Variants in PPARG observed in about 807,000 individuals in gnomAD.
PPARG encodes the protein peroxisome proliferator activated receptor gamma.
PPARG carries 17 observed loss-of-function variants against 39.2 expected under a neutral mutation model. That is an observed-to-expected ratio of 0.43 (90% confidence interval 0.30 to 0.65). The LOEUF is 0.65. Ranked by LOEUF, PPARG falls within the 30% of genes least tolerant of loss-of-function variation. The pLI is 0.13. For missense variants in PPARG, 406 were observed against 585.9 expected (o/e 0.69, Z 3.17); for synonymous variants, 223 against 215.7 (o/e 1.03, Z -0.30).
At chr3:12,304,277 G>C (rs2047002212) in intron 1 of PPARG, among the ~76,000 whole-genome samples, 1 of 152,154 alleles carries the variant, frequency 6.6e-6, no homozygotes, top group African/African-American at 2.4e-5. Context: ...GGATGTCTTT[G>C]GGATGCCATT....
chr3:12,294,763 C>G (rs1340543316), intron 1 of PPARG, among the ~76,000 whole-genome samples: 1 of 152,044 alleles, frequency 6.6e-6, no homozygotes, highest in Non-Finnish European at 1.5e-5. Context: ...CATGGTGGCA[C>G]GTGCCTTTAA....
intron 6 of PPARG, among the ~76,000 whole-genome samples, chr3:12,407,908 A>G (rs2050730798): frequency 2.0e-5 from 3 of 152,320 alleles, no homozygotes; most frequent in East Asian, 3.9e-4. Flanking sequence ...AACCTTGCAC[A>G]TTTGTTAGGT....
chr3:12,345,762 G>T lies in PPARG; in HGVS notation c.-9+33309G>T, dbSNP rs570478763. Among the ~76,000 whole-genome samples the T allele has an allele frequency of 2.6e-5, 4 of 152,318 alleles. No homozygotes were observed. The East Asian group carries it at 7.7e-4, about 29-fold the overall frequency. ...GTCACAGAACTGGTAAGTGACACCA[G>T]CTGAAACTGAGTGCAGCTCCGCGGC... On this transcript the variant is annotated intron_variant, in intron 2 of 7. Transcript: ENST00000651735.
intron 1 of PPARG, among the ~76,000 whole-genome samples, chr3:12,307,351 T>A (rs1322087843): frequency 6.6e-6 from 1 of 152,098 alleles, no homozygotes; most frequent in Non-Finnish European, 1.5e-5. Flanking sequence ...TTTACTTGCA[T>A]AGGACAAAAA....
intron 2 of PPARG, among the ~76,000 whole-genome samples, chr3:12,329,134 G>A (rs1485054074): frequency 1.4e-5 from 2 of 139,036 alleles, no homozygotes; most frequent in African/African-American, 5.4e-5. Flanking sequence ...TGCAAATTAT[G>A]TTAAAAACAA....
intron 1 of PPARG, among the ~76,000 whole-genome samples, chr3:12,295,132 G>C (rs1363829302): frequency 6.6e-6 from 1 of 152,142 alleles, no homozygotes; most frequent in Non-Finnish European, 1.5e-5. Flanking sequence ...GCTAAAGTCT[G>C]TGAATCTAAA....
At chr3:12,403,056 G>C (rs935546316) in intron 5 of PPARG, among the ~76,000 whole-genome samples, 1 of 152,196 alleles carries the variant, frequency 6.6e-6, no homozygotes, top group South Asian at 2.1e-4. Context: ...TCTTTGGGAG[G>C]TGGAGGCAGG....
intron 7 of PPARG, among the ~76,000 whole-genome samples, chr3:12,423,314 C>A (rs567853670): frequency 8.5e-4 from 129 of 152,324 alleles, no homozygotes; most frequent in African/African-American, 2.9e-3. Flanking sequence ...AACAGAATAA[C>A]CCTGATGCAG....
At chr3:12,295,469 T>A (rs1205544952) in intron 1 of PPARG, among the ~76,000 whole-genome samples, 1 of 152,106 alleles carries the variant, frequency 6.6e-6, no homozygotes, top group East Asian at 1.9e-4. Context: ...TTAAAAGCAA[T>A]ATAATGTATT....
At chr3:12,406,154 G>C in intron 6 of PPARG, 73 bp downstream of exon 6, 1 of 1,367,306 alleles carries the variant, frequency 7.3e-7, no homozygotes, top group Non-Finnish European at 1.0e-6. Context: ...TTGAGTAAAT[G>C]GTTTACTGCG....
At chr3:12,312,328 C>T (rs1274693496) in intron 1 of PPARG, 52 bp from the exon 2 acceptor site, 1 of 152,180 alleles carries the variant, frequency 6.6e-6, no homozygotes, top group African/African-American at 2.4e-5. Context: ...CATGTGTACA[C>T]ATTCTGAACA....
intron 1 of PPARG, among the ~76,000 whole-genome samples, chr3:12,291,310 C>T (rs2046642401): frequency 6.6e-6 from 1 of 152,156 alleles, no homozygotes; most frequent in East Asian, 1.9e-4. Context: ...TACAAAGGTC[C>T]TTTGAAACGG....
chr3:12,296,433 G>A (rs1249747875), intron 1 of PPARG, among the ~76,000 whole-genome samples: 1 of 151,986 alleles, frequency 6.6e-6, no homozygotes, highest in African/African-American at 2.4e-5. Flanking sequence ...TGCTTTATAC[G>A]CTGTTTGGGA....
intron 2 of PPARG, among the ~76,000 whole-genome samples, chr3:12,328,850 G>A (rs1173060618): frequency 6.6e-6 from 1 of 152,232 alleles, no homozygotes; most frequent in Non-Finnish European, 1.5e-5. Context: ...GAACAGAATA[G>A]CAGTCCCTGG....
intron 6 of PPARG, among the ~76,000 whole-genome samples, chr3:12,414,629 C>T (rs768602439): frequency 5.3e-5 from 8 of 152,134 alleles, no homozygotes; most frequent in Admixed American, 1.3e-4. Context: ...TGGAAAAATA[C>T]AGTAAATTTT....
intron 5 of PPARG, among the ~76,000 whole-genome samples, chr3:12,405,452 G>T: frequency 6.6e-6 from 1 of 152,136 alleles, no homozygotes; most frequent in East Asian, 1.9e-4. Context: ...TTTGAATTCT[G>T]CACAGTTTCG....
At chr3:12,413,485 CTCT>C (rs1234275165) in intron 6 of PPARG, among the ~76,000 whole-genome samples, 2 of 152,088 alleles carry the variant, frequency 1.3e-5, no homozygotes, top group African/African-American at 4.8e-5. Flanking sequence ...GCTAGTTCAC[CTCT>C]TCTTCAGAAT....
intron 2 of PPARG, among the ~76,000 whole-genome samples, chr3:12,360,382 T>C (rs1025827670): frequency 2.6e-5 from 4 of 152,190 alleles, no homozygotes; most frequent in African/African-American, 9.6e-5. Context: ...GACAATCCTT[T>C]TAACACAACT....
At position 12,362,027 on chromosome 3, in the gene PPARG, T is replaced by A. The variant is rs557514681; in HGVS notation, c.-8-17677T>A. 2.6e-5 allele frequency among the ~76,000 whole-genome samples: 4 copies of A among 152,224 alleles called. No individual in the cohort carries two copies. The South Asian group carries it at 8.3e-4, about 32-fold the overall frequency. On this transcript the variant is annotated intron_variant, in intron 2 of 7. Coordinates refer to ENST00000651735, the MANE Select transcript of PPARG (RefSeq NM_138711.6). ...TATATTTGAGTTTTCATTATGGAGATCTTACACATATTTTGTTAGATTTTT... is the reference window on the plus strand; with the variant it reads ...TATATTTGAGTTTTCATTATGGAGAACTTACACATATTTTGTTAGATTTTT...
Sources: allele counts gnomAD v4.1 joint callset (sites outside exome capture counted in the v4.1 genomes callset), GRCh38; gene constraint gnomAD v4.1.1; transcripts MANE v1.5; gene names NCBI Gene and HGNC (gene_info 2026-07-23, HGNC 2026-07-21).